The following SH2D4B variants were observed in gnomAD, a reference collection of about 807,000 sequenced individuals.
SH2D4B encodes the protein SH2 domain containing 4B.
A neutral mutation model predicts 61.5 loss-of-function variants in SH2D4B; 45 were observed. The observed-to-expected ratio is 0.73, with a 90% CI of 0.58 to 0.94. The LOEUF (loss-of-function observed/expected upper bound fraction) is 0.94. SH2D4B is among the 40% of genes least tolerant of loss of function. The probability of loss-of-function intolerance (pLI) is 0.00; values close to 1 mark genes in which losing one functional copy is unlikely to be tolerated. For synonymous variants in SH2D4B, 224 were observed against 220.4 expected, an observed-to-expected ratio of 1.02 and a Z score of -0.14; for missense variants, 572 against 574.2, an observed-to-expected ratio of 1.00 and a Z score of 0.04.
intron 4 of SH2D4B, among the ~76,000 whole-genome samples, chr10:80,590,340 T>C (rs1842312079): frequency 6.6e-6 from 1 of 152,202 alleles, no homozygotes; most frequent in South Asian, 2.1e-4. Flanking sequence ...TTGTATGGGC[T>C]TCTGACTGAA....
chr10:80,634,591 G>A, intron 7 of SH2D4B, 86 bp downstream of exon 7: 2 of 1,505,094 alleles, frequency 1.3e-6, no homozygotes, highest in Non-Finnish European at 1.8e-6. Context: ...GAGAAGCAAG[G>A]CTGCTGGCTC....
intron 6 of SH2D4B, among the ~76,000 whole-genome samples, chr10:80,631,400 C>T (rs937720799): frequency 3.3e-5 from 5 of 152,194 alleles, no homozygotes; most frequent in African/African-American, 1.2e-4. Flanking sequence ...AGGCATGTGC[C>T]ACCATGCCCA....
intron 7 of SH2D4B, among the ~76,000 whole-genome samples, chr10:80,640,935 C>T (rs1840281086): frequency 6.6e-6 from 1 of 152,176 alleles, no homozygotes; most frequent in Non-Finnish European, 1.5e-5. Flanking sequence ...GTTTTATCTA[C>T]CTTTGGTTGC....
chr10:80,553,282 T>A (rs1459418960), intron 1 of SH2D4B, among the ~76,000 whole-genome samples: 1 of 152,202 alleles, frequency 6.6e-6, no homozygotes, highest in Admixed American at 6.5e-5. Context: ...CATGGTGGGA[T>A]TCTCACCCTC....
chr10:80,559,636 CA>C (rs1324779728), intron 1 of SH2D4B, among the ~76,000 whole-genome samples: 8 of 141,650 alleles, frequency 5.6e-5, no homozygotes, highest in Non-Finnish European at 1.1e-4. Context: ...TGTGGTCCTG[CA>C]TTTTTTTTTT....
At chr10:80,572,944 A>AT (rs1842067655) in intron 3 of SH2D4B, among the ~76,000 whole-genome samples, 1 of 33,476 alleles carries the variant, frequency 3.0e-5, no homozygotes, top group Non-Finnish European at 4.9e-5. Flanking sequence ...TGTATGTTGC[A>AT]AATATATATA....
At chr10:80,599,797 G>C (rs1055458723) in intron 4 of SH2D4B, among the ~76,000 whole-genome samples, 1 of 152,150 alleles carries the variant, frequency 6.6e-6, no homozygotes, top group Non-Finnish European at 1.5e-5. Context: ...CCAGCAGGCC[G>C]AGTCACAAAA....
At chr10:80,583,496 C>T (rs1007514868) in intron 3 of SH2D4B, among the ~76,000 whole-genome samples, 3 of 145,016 alleles carry the variant, frequency 2.1e-5, no homozygotes, top group African/African-American at 5.7e-5. Flanking sequence ...TGATGAAACC[C>T]GTCTCCACTA....
chr10:80,584,374 A>G (rs1392679837), intron 3 of SH2D4B, among the ~76,000 whole-genome samples: 1 of 152,226 alleles, frequency 6.6e-6, no homozygotes, highest in African/African-American at 2.4e-5. Context: ...TGTCTGTTAT[A>G]AGAAAAAGCA....
At chr10:80,540,863 G>T (rs1362261590) in intron 1 of SH2D4B, 1 of 1,551,534 alleles carries the variant, frequency 6.4e-7, no homozygotes, top group South Asian at 1.2e-5. Flanking sequence ...TGCGGGGACG[G>T]GCTCCACGGA....
At chr10:80,623,498 C>T (rs1480902367) in intron 6 of SH2D4B, among the ~76,000 whole-genome samples, 1 of 152,164 alleles carries the variant, frequency 6.6e-6, no homozygotes, top group Non-Finnish European at 1.5e-5. Flanking sequence ...GACTAAATGT[C>T]AACATATGAA....
chr10:80,556,106 G>A (rs983599555), intron 1 of SH2D4B, among the ~76,000 whole-genome samples: 1 of 151,780 alleles, frequency 6.6e-6, no homozygotes, highest in African/African-American at 2.4e-5. Context: ...CAATGTGGAC[G>A]TATATATGGT....
chr10:80,594,959 CT>C (rs1006339485), intron 4 of SH2D4B, among the ~76,000 whole-genome samples: 5 of 151,944 alleles, frequency 3.3e-5, no homozygotes, highest in African/African-American at 7.3e-5. Flanking sequence ...TGTGTTGAAT[CT>C]TTTTTTATTC....
chr10:80,616,902 C>T (rs1326708872), intron 6 of SH2D4B, among the ~76,000 whole-genome samples: 2 of 152,206 alleles, frequency 1.3e-5, no homozygotes, highest in African/African-American at 2.4e-5. Context: ...GTATGCTGGA[C>T]CCTCTTCTAA....
chr10:80,586,005 G>A (rs1435753751), intron 3 of SH2D4B, among the ~76,000 whole-genome samples: 1 of 152,158 alleles, frequency 6.6e-6, no homozygotes, highest in African/African-American at 2.4e-5. Context: ...GGCAATGAGG[G>A]GCTTAGCACC....
chr10:80,550,216 A>C (rs994973847), intron 1 of SH2D4B, among the ~76,000 whole-genome samples: 1 of 152,142 alleles, frequency 6.6e-6, no homozygotes, highest in African/African-American at 2.4e-5. Flanking sequence ...TAGGCCCTTT[A>C]AGGGCCTCAG....
At chr10:80,603,835 C>T in intron 5 of SH2D4B, 40 bp downstream of exon 5, 1 of 1,574,970 alleles carries the variant, frequency 6.3e-7, no homozygotes, top group Non-Finnish European at 8.6e-7. Flanking sequence ...GGGGCAAGGG[C>T]CTTGGATTAG....
chr10:80,631,800 G>C (rs1374111845), intron 6 of SH2D4B, among the ~76,000 whole-genome samples: 1 of 152,200 alleles, frequency 6.6e-6, no homozygotes, highest in African/African-American at 2.4e-5. Context: ...CCGGGGCTGG[G>C]AGAGGCAGGC....
At chr10:80,587,895 C>G (rs1039287442) in intron 3 of SH2D4B, among the ~76,000 whole-genome samples, 8 of 152,156 alleles carry the variant, frequency 5.3e-5, no homozygotes, top group Admixed American at 5.2e-4. Flanking sequence ...CCTCCAGATG[C>G]ATCTATGTTA....
Sources: gnomAD v4.1 joint callset for allele counts (sites outside exome capture counted in the v4.1 genomes callset) on GRCh38, gnomAD v4.1.1 for gene constraint, MANE v1.5 for transcripts, NCBI Gene and HGNC (gene_info 2026-07-23, HGNC 2026-07-21) for gene names.